TLCD3B: variants seen among roughly 807,000 people sequenced by gnomAD.
TLCD3B encodes the protein TLC domain containing 3B, also known as ceramide synthase.
In TLCD3B, 9 loss-of-function variants were observed where a neutral mutation model predicts 23.0. The observed-to-expected ratio is 0.39, with a 90% CI of 0.24 to 0.68. The LOEUF (loss-of-function observed/expected upper bound fraction) is 0.68, where lower values mean the gene tolerates loss of function less well. Among genes scored for constraint, TLCD3B ranks in the 30% least tolerant of loss-of-function variants. TLCD3B has a pLI of 0.44. For synonymous variants in TLCD3B, 161 were observed against 161.0 expected, an observed-to-expected ratio of 1.00 and a Z score of 0.00; for missense variants, 307 against 371.8, an observed-to-expected ratio of 0.83 and a Z score of 1.43.
chr16:30,034,915 CT>C (rs397855495), upstream of TLCD3B, among the ~76,000 whole-genome samples: 60,251 of 138,556 alleles, frequency 0.43, 12,324 homozygotes, highest in Non-Finnish European at 0.45. Context: ...TTTTCTTTTT[CT>C]TTTTTTTTTT....
chr16:30,028,380 G>C (rs933654357), intron 2 of TLCD3B, among the ~76,000 whole-genome samples: 1 of 152,144 alleles, frequency 6.6e-6, no homozygotes, highest in East Asian at 1.9e-4. Context: ...ACACAGGGGG[G>C]CCTGGGGAGC....
chr16:30,027,777 C>T (rs900349867), intron 2 of TLCD3B: 12 of 414,022 alleles, frequency 2.9e-5, no homozygotes, highest in Non-Finnish European at 3.0e-5. Context: ...CCAAGACTGG[C>T]CTGGGGTGGG....
chr16:30,030,450 C>T lies in TLCD3B; in HGVS notation c.78G>A (p.Leu26=). ...FLLSKNTLQR[L]PQLRWEEADA... is the part of the protein sequence containing the mutation. ...CGGCCTCCTCCCAGCGTAGCTGGGG[C>T]AGCCGCTGGAGCGTGTTCTTGGAGA... Residue 26 remains leucine (L), a synonymous_variant, in exon 1 of 5, where the codon CTG becomes CTA. Transcript: ENST00000380495. 1 of 1,605,290 alleles carries T rather than the reference C, an allele frequency of 6.2e-7. No homozygotes were observed.
At position 30,030,249 on chromosome 16, in the gene TLCD3B, A is replaced by G. The variant is rs2071313190; in HGVS notation, c.125+154T>C. 2.6e-5 allele frequency among the ~76,000 whole-genome samples: 4 copies of G among 152,310 alleles called. No individual in the cohort carries two copies. In the South Asian group the frequency reaches 8.3e-4, roughly 32 times the overall value. Reference sequence around the variant, plus strand: ...TCCCAGAACAGTGAGCAAGGCAGGCAGTGAGGAGAGAGGAAGCCTGGGGGT... The same window carrying G: ...TCCCAGAACAGTGAGCAAGGCAGGCGGTGAGGAGAGAGGAAGCCTGGGGGT... On this transcript the variant is annotated intron_variant, in intron 1 of 4. Transcript: ENST00000380495.
intron 2 of TLCD3B, among the ~76,000 whole-genome samples, chr16:30,028,445 G>A (rs1221489049): frequency 6.6e-6 from 1 of 152,140 alleles, no homozygotes; most frequent in Non-Finnish European, 1.5e-5. Context: ...GGGAGGAAGT[G>A]CTGGATCCCA....
rs375118635 is a variant in TLCD3B, at chr16:30,029,450, T to C, written c.191A>G (p.Lys64Arg). The C allele has an allele frequency of 2.5e-6, 4 of 1,613,812 alleles. No homozygotes were observed. Among genetic ancestry groups the C allele is most frequent in the African/African-American group, 1.3e-5 (1 of 74,900 alleles). The stretch of plus-strand genomic sequence containing the variant: ...CACTTACTGGTCATCAATGATGTGC[T>C]TGCAGGAGGTGGAGACGATGTAGCC... ...TAGYIVSTSCKHIIDDQHWLS... is the reference protein window; with the variant it reads ...TAGYIVSTSCRHIIDDQHWLS... Residue 64 changes from lysine (K) to arginine (R), a missense_variant, in exon 2 of 5, where the codon AAG becomes AGG. By Grantham distance (26) the Lys-to-Arg change is conservative. Coordinates refer to ENST00000380495, the MANE Select transcript of TLCD3B (RefSeq NM_031478.6). This position sits in a 1 kb window ranked among gnomAD's most constrained non-coding sequence, Gnocchi z 4.6.
rs770657495 is a variant in TLCD3B, at chr16:30,030,462, C to T, written c.66G>A (p.Thr22=). ...FPGLFLLSKN[T]LQRLPQLRWE... is the part of the protein sequence containing the mutation. ...AGCGTAGCTGGGGCAGCCGCTGGAGCGTGTTCTTGGAGAGGAGGAAGAGTC... is the reference window on the plus strand; with the variant it reads ...AGCGTAGCTGGGGCAGCCGCTGGAGTGTGTTCTTGGAGAGGAGGAAGAGTC... The change falls in exon 1 of 5, where the codon ACG becomes ACA. Residue 22 remains threonine, a synonymous_variant. Coordinates refer to ENST00000380495, the MANE Select transcript of TLCD3B (RefSeq NM_031478.6). 2.5e-6 allele frequency: 4 copies of T among 1,607,346 alleles called. No individual in the cohort carries two copies. Among genetic ancestry groups the T allele is most frequent in the Non-Finnish European group, 3.4e-6 (4 of 1,177,706 alleles).
chr16:30,036,202 T>G, upstream of TLCD3B: 1 of 1,288,932 alleles, frequency 7.8e-7, no homozygotes, highest in Non-Finnish European at 1.0e-6. Flanking sequence ...ATGTTTCTCC[T>G]CAGCACCCAG....
intron 3 of TLCD3B, among the ~76,000 whole-genome samples, chr16:30,039,103 C>CT (rs1018184417): frequency 0.036 from 3,630 of 99,474 alleles, 568 homozygotes; most frequent in East Asian, 0.21. Context: ...TCCTTCCTCT[C>CT]TTTTTTTTTT....
Position 30,029,130 on chromosome 16 carries a change from G to A in TLCD3B, c.209+302C>T, listed in dbSNP as rs940029005. 1.3e-5 allele frequency among the ~76,000 whole-genome samples: 2 copies of A among 152,330 alleles called. No homozygotes were observed. The highest frequency in any genetic ancestry group is 2.9e-5 in the Non-Finnish European group (2 of 68,028). The stretch of plus-strand genomic sequence containing the variant: ...GGAAATGGGGTCTGCCTCCTGGGGT[G>A]GAAGGCAGGGAGGAGGTGGGGAACC... On this transcript the variant is annotated intron_variant, in intron 2 of 4. Coordinates refer to ENST00000380495, the MANE Select transcript of TLCD3B (RefSeq NM_031478.6). This position sits in a 1 kb window ranked among gnomAD's most constrained non-coding sequence, Gnocchi z 4.6.
At chr16:30,027,656 A>G (rs1268720361) in intron 2 of TLCD3B, 4 of 455,998 alleles carry the variant, frequency 8.8e-6, no homozygotes, top group African/African-American at 8.0e-5. Flanking sequence ...AAGGACAAAG[A>G]AAGTTCCATG....
At chr16:30,045,092 C>CA (rs1162281544) in intron 2 of TLCD3B, among the ~76,000 whole-genome samples, 4,130 of 22,154 alleles carry the variant, frequency 0.19, 1,130 homozygotes, top group African/African-American at 0.34. Context: ...GACTCCATCT[C>CA]AAAAAAAAAA....
rs764985473 is a variant in TLCD3B, at chr16:30,025,851, T to TG, written c.445-31dup. 12 of 1,580,994 alleles carry TG rather than the reference T, an allele frequency of 7.6e-6. No individual in the cohort carries two copies. The South Asian group carries it at 1.3e-4, about 17-fold the overall frequency. On this transcript the variant is annotated intron_variant, in intron 3 of 4. Transcript: ENST00000380495. This position sits in a 1 kb window ranked among gnomAD's most constrained non-coding sequence, Gnocchi z 4.1. Reference sequence around the variant, plus strand: ...GCACAGAGGCAGGAAGGTGAGGAGCTGGGGCTCTCCCTGGGTTCTTGGGCA... The same window carrying TG: ...GCACAGAGGCAGGAAGGTGAGGAGCTGGGGGCTCTCCCTGGGTTCTTGGGCA...
At position 30,036,526 on chromosome 16, in the gene TLCD3B, A is replaced by C. The variant is rs1420788608; in HGVS notation, c.-66-312T>G. Reference sequence around the variant, plus strand: ...CTTCTCGGGATAAAAGGAAGGTGTCAAACTGCAAAGGCACGAGGCTGCTCT... The same window carrying C: ...CTTCTCGGGATAAAAGGAAGGTGTCCAACTGCAAAGGCACGAGGCTGCTCT... On this transcript the variant is annotated intron_variant, in intron 3 of 6. Coordinates refer to the TLCD3B transcript ENST00000561666. The C allele has an allele frequency of 1.2e-5, 10 of 814,422 alleles. No homozygotes were observed. In the African/African-American group the frequency reaches 1.8e-4, roughly 15 times the overall value. 50.4% of individuals were successfully genotyped at this position (814,422 alleles called of 1,614,324 possible).
At chr16:30,038,548 A>G (rs2071515141) in intron 3 of TLCD3B, among the ~76,000 whole-genome samples, 1 of 152,134 alleles carries the variant, frequency 6.6e-6, no homozygotes, top group South Asian at 2.1e-4. Flanking sequence ...TCAGGAGTTC[A>G]AGACCAGCCT....
chr16:30,027,908 T>C (rs578188448), intron 2 of TLCD3B, among the ~76,000 whole-genome samples: 1 of 152,018 alleles, frequency 6.6e-6, no homozygotes, highest in African/African-American at 2.4e-5. Flanking sequence ...TGTGGAGAAG[T>C]TGGGGCTGAG....
At chr16:30,036,540 C>T in intron 3 of TLCD3B, 1 of 633,150 alleles carries the variant, frequency 1.6e-6, no homozygotes, top group South Asian at 1.9e-5. Context: ...TGCAAAGGCA[C>T]GAGGCTGCTC....
Position 30,030,628 on chromosome 16 carries a change from G to A in TLCD3B, c.-101C>T. The A allele has an allele frequency of 1.4e-6, 2 of 1,415,038 alleles. No homozygotes were observed. Among genetic ancestry groups the A allele is most frequent in the South Asian group, 1.6e-5 (1 of 62,060 alleles). 87.7% of individuals were successfully genotyped at this position (1,415,038 alleles called of 1,614,324 possible). A position where few individuals can be genotyped will look rare whatever the true frequency, so the allele number is the denominator to read the frequency against. On this transcript the variant is annotated 5_prime_UTR_variant, in exon 1 of 5. Coordinates refer to ENST00000380495, the MANE Select transcript of TLCD3B (RefSeq NM_031478.6). ...GGAGAAGGGACGCCAAGCCCGGGAA[G>A]GAGGGAGAAAACGATGAGAAGGGGC...
At position 30,026,642 on chromosome 16, in the gene TLCD3B, G is replaced by T; in HGVS notation, c.411C>A (p.Ala137=). 1 of 1,613,722 alleles carries T rather than the reference G, an allele frequency of 6.2e-7. No individual in the cohort carries two copies. Among genetic ancestry groups the T allele is most frequent in the South Asian group, 1.1e-5 (1 of 91,072 alleles). ...GTGGGAAGCACACCAGCACCATGGC[G>T]GCATGGTGGAGCACCATGAGGAACT... ...HKEFLMVLHH[A]AMVLVCFPLS... is the part of the protein sequence containing the mutation. Residue 137 remains alanine (A), a synonymous_variant, in exon 3 of 5, where the codon GCC becomes GCA. Transcript: ENST00000380495.
Sources: gnomAD v4.1 joint callset for allele counts (sites outside exome capture counted in the v4.1 genomes callset) on GRCh38, gnomAD v4.1.1 for gene constraint, Gnocchi (gnomAD v3.1) non-coding constraint, MANE v1.5 for transcripts, NCBI Gene and HGNC (gene_info 2026-07-23, HGNC 2026-07-21) for gene names.